TBC1D16: variants seen among roughly 807,000 people sequenced by gnomAD.
TBC1D16 encodes CTD-2529O21.1.
TBC1D16 carries 58 observed loss-of-function variants against 74.7 expected under a neutral mutation model. The ratio of observed to expected loss-of-function variants is 0.78; its 90% CI spans 0.63 to 0.97. The LOEUF (loss-of-function observed/expected upper bound fraction) is 0.97, where lower values mean the gene tolerates loss of function less well. TBC1D16 is among the 50% of genes least tolerant of loss of function. The probability of loss-of-function intolerance (pLI) is 0.00; values close to 1 mark genes in which losing one functional copy is unlikely to be tolerated. For synonymous variants in TBC1D16, 493 were observed against 474.7 expected (o/e 1.04, Z -0.50); for missense variants, 1,014 against 1,079.5 (o/e 0.94, Z 0.85).
rs569684847 is a variant in TBC1D16 at position 79,988,182 on chromosome 17, C to T, written c.779+21978G>A. 4.3e-4 allele frequency among the ~76,000 whole-genome samples: 65 copies of T among 152,338 alleles called. No homozygotes were observed. The highest frequency in any genetic ancestry group is 1.4e-3 in the African/African-American group (58 of 41,574). On this transcript the variant is annotated intron_variant, in intron 3 of 11. Transcript: ENST00000310924. This position sits in a 1 kb window ranked among gnomAD's most constrained non-coding sequence, Gnocchi z 5.7. ...TTTTATTTACTAGTTTGGATGCTTC[C>T]CCTGACGCCTACCTGGGAGGTGCTT...
chr17:79,941,516 T>G lies in TBC1D16; in HGVS notation c.2056-409A>C, dbSNP rs1383006368. ...CCCCCACCCCCAGCAGCCTCTCAGC[T>G]CCTGCAGGATCTGTGTCCTGTGCCA... On this transcript the variant is annotated intron_variant, in intron 11 of 11. Transcript: ENST00000310924. This position sits in a 1 kb window ranked among gnomAD's most constrained non-coding sequence, Gnocchi z 4.3. Among the ~76,000 whole-genome samples, 1 of 148,660 alleles carries G rather than the reference T, an allele frequency of 6.7e-6. No homozygotes were observed. The highest frequency in any genetic ancestry group is 2.5e-5 in the African/African-American group (1 of 39,978).
intron 1 of TBC1D16, among the ~76,000 whole-genome samples, chr17:80,033,392 T>A (rs2036840498): frequency 6.6e-6 from 1 of 151,840 alleles, no homozygotes; most frequent in Non-Finnish European, 1.5e-5. Context: ...GTTTTTTTTT[T>A]AAGCAGAGTC....
chr17:80,014,610 G>C (rs1011013232), intron 1 of TBC1D16, among the ~76,000 whole-genome samples: 2 of 152,042 alleles, frequency 1.3e-5, no homozygotes, highest in African/African-American at 4.8e-5. Flanking sequence ...AAGGGGAGCT[G>C]TCACCAGTCC....
chr17:79,946,003 G>A (rs1598321999), intron 9 of TBC1D16, among the ~76,000 whole-genome samples: 1 of 152,322 alleles, frequency 6.6e-6, no homozygotes, highest in Admixed American at 6.5e-5. Flanking sequence ...CCACTCGTGT[G>A]GCTGACCCCC....
intron 3 of TBC1D16, among the ~76,000 whole-genome samples, chr17:79,973,816 C>T (rs1006594325): frequency 2.0e-5 from 3 of 152,146 alleles, no homozygotes; most frequent in Admixed American, 1.3e-4. Flanking sequence ...GATCACACTA[C>T]TGCACTCCAC....
chr17:80,019,057 C>G (rs2036195930), intron 1 of TBC1D16, among the ~76,000 whole-genome samples: 1 of 150,224 alleles, frequency 6.7e-6, no homozygotes, highest in South Asian at 2.1e-4. Context: ...TTCTGTGTTT[C>G]AAATGGCTCT....
At chr17:79,978,419 C>G (rs905859360) in intron 3 of TBC1D16, among the ~76,000 whole-genome samples, 1 of 152,234 alleles carries the variant, frequency 6.6e-6, no homozygotes, top group Non-Finnish European at 1.5e-5. Flanking sequence ...GATAACCAGG[C>G]CCGGCCTTTC....
At chr17:79,965,455 GA>G (rs2033803854) in intron 3 of TBC1D16, among the ~76,000 whole-genome samples, 1 of 152,150 alleles carries the variant, frequency 6.6e-6, no homozygotes, top group African/African-American at 2.4e-5. Context: ...ATTTAGAAAA[GA>G]AAAAGGTGAG....
chr17:79,960,315 A>G (rs764068845), intron 3 of TBC1D16, among the ~76,000 whole-genome samples: 6 of 152,228 alleles, frequency 3.9e-5, no homozygotes, highest in African/African-American at 7.2e-5. Context: ...ACATTTCACC[A>G]AAGAGGATAT....
At chr17:79,955,258 C>T (rs969590320) in intron 3 of TBC1D16, among the ~76,000 whole-genome samples, 1 of 152,106 alleles carries the variant, frequency 6.6e-6, no homozygotes, top group Non-Finnish European at 1.5e-5. Flanking sequence ...CATTGGGGTA[C>T]GTCTGGCAGG....
At chr17:79,966,455 T>C (rs894521670) in intron 3 of TBC1D16, among the ~76,000 whole-genome samples, 1 of 151,872 alleles carries the variant, frequency 6.6e-6, no homozygotes, top group Non-Finnish European at 1.5e-5. Context: ...GGACCTCCTC[T>C]CCCCAGGATT....
Position 79,937,076 on chromosome 17 carries a change from CCCCT to C in TBC1D16, c.*3779_*3782del, listed in dbSNP as rs1340468955. The C allele has an allele frequency of 6.6e-6, 1 of 151,900 alleles. No individual in the cohort carries two copies. Among genetic ancestry groups the C allele is most frequent in the African/African-American group, 2.4e-5 (1 of 41,326 alleles). 9.4% of individuals were successfully genotyped at this position (151,900 alleles called of 1,614,324 possible). On this transcript the variant is annotated 3_prime_UTR_variant, in exon 12 of 12. Coordinates refer to ENST00000310924, the MANE Select transcript of TBC1D16 (RefSeq NM_019020.4). ...GTGGAGCCTTGGCACCCCCAGCAAC[CCCCT>C]CCAAGGGTGGAGCCTTGGCACCCCC...
intron 3 of TBC1D16, among the ~76,000 whole-genome samples, chr17:80,004,966 G>A (rs1423119931): frequency 2.0e-5 from 3 of 152,268 alleles, no homozygotes; most frequent in Admixed American, 6.5e-5. Flanking sequence ...TAAGCCACGT[G>A]CCGGCCACTT....
In TBC1D16 at chr17:79,940,576, A is replaced by C. The variant is rs2143351814; in HGVS notation, c.*283T>G. The C allele has an allele frequency of 3.1e-6, 1 of 319,774 alleles. No homozygotes were observed. The highest frequency in any genetic ancestry group is 5.0e-5 in the East Asian group (1 of 20,040). The allele number at this position is 319,774 out of a possible 1,614,324, so 19.8% of individuals were successfully genotyped here. A position where few individuals can be genotyped will look rare whatever the true frequency, so the allele number is the denominator to read the frequency against. On this transcript the variant is annotated 3_prime_UTR_variant, in exon 12 of 12. Coordinates refer to ENST00000310924, the MANE Select transcript of TBC1D16 (RefSeq NM_019020.4). The surrounding 1 kb of genome is among the most constrained non-coding windows in gnomAD (Gnocchi z 5.4). ...CATGTTGAAATCCTCCAGGGCAGCC[A>C]GCAGGAGAGCCCAGCCAGCCTGCGT...
rs1279196931 is a variant in TBC1D16 at position 79,954,226 on chromosome 17, G to A, written c.780-1408C>T. ...TGAGCTCAGAACATAAACTATTAGA[G>A]GCAATCAATCCAGAGGCACTTCCTC... On this transcript the variant is annotated intron_variant, in intron 3 of 11. Transcript: ENST00000310924. This position sits in a 1 kb window ranked among gnomAD's most constrained non-coding sequence, Gnocchi z 5.5. Among the ~76,000 whole-genome samples the A allele has an allele frequency of 6.6e-6, 1 of 152,130 alleles. No individual in the cohort carries two copies. The highest frequency in any genetic ancestry group is 1.5e-5 in the Non-Finnish European group (1 of 68,018).
At chr17:79,984,442 C>CA (rs2034729172) in intron 3 of TBC1D16, among the ~76,000 whole-genome samples, 1 of 151,886 alleles carries the variant, frequency 6.6e-6, no homozygotes, top group Non-Finnish European at 1.5e-5. Context: ...GGAAATACAC[C>CA]AAAAAGTTAA....
At chr17:80,021,422 T>A (rs974558558) in intron 1 of TBC1D16, among the ~76,000 whole-genome samples, 1 of 149,698 alleles carries the variant, frequency 6.7e-6, no homozygotes, top group Admixed American at 6.6e-5. Flanking sequence ...ATTGCACCAC[T>A]GCACCCCACC....
chr17:80,030,894 C>A (rs2036753037), intron 1 of TBC1D16, among the ~76,000 whole-genome samples: 1 of 152,250 alleles, frequency 6.6e-6, no homozygotes, highest in African/African-American at 2.4e-5. Flanking sequence ...ACATGGCCGG[C>A]AGAAACTGGT....
intron 1 of TBC1D16, among the ~76,000 whole-genome samples, chr17:80,019,717 A>G (rs2036220701): frequency 6.7e-6 from 1 of 149,736 alleles, no homozygotes; most frequent in African/African-American, 2.6e-5. Context: ...AAGGAAGAAT[A>G]CGTGTCCCTT....
Sources: gnomAD v4.1 joint callset for allele counts (sites outside exome capture counted in the v4.1 genomes callset) on GRCh38, gnomAD v4.1.1 for gene constraint, Gnocchi (gnomAD v3.1) non-coding constraint, MANE v1.5 for transcripts, NCBI Gene and HGNC (gene_info 2026-07-23, HGNC 2026-07-21) for gene names.